Variants in DLGAP1 observed in about 807,000 individuals in gnomAD.
DLGAP1 encodes DLG associated protein 1.
A neutral mutation model predicts 90.8 loss-of-function variants in DLGAP1; 11 were observed. The observed-to-expected ratio is 0.12, with a 90% confidence interval of 0.08 to 0.20. The LOEUF is 0.20. Among genes scored for constraint, DLGAP1 ranks in the 10% least tolerant of loss-of-function variants. The pLI, the probability that DLGAP1 is intolerant of heterozygous loss-of-function variation, is 1.00. For missense variants in DLGAP1, 1,050 were observed against 1,333.8 expected, an observed-to-expected ratio of 0.79 and a Z score of 3.31; for synonymous variants, 558 against 540.7, an observed-to-expected ratio of 1.03 and a Z score of -0.44.
chr18:4,020,049 T>C (rs577224643), intron 2 of DLGAP1, among the ~76,000 whole-genome samples: 8 of 152,368 alleles, frequency 5.3e-5, no homozygotes, highest in African/African-American at 1.9e-4. Context: ...AGTTTTTATC[T>C]ATACAAAGGA....
intron 5 of DLGAP1, among the ~76,000 whole-genome samples, chr18:3,778,505 A>G (rs771227146): frequency 6.6e-6 from 1 of 152,106 alleles, no homozygotes; most frequent in Non-Finnish European, 1.5e-5. Flanking sequence ...ACTTTTGACC[A>G]AAGGATCTAG....
intron 4 of DLGAP1, among the ~76,000 whole-genome samples, chr18:3,817,419 T>C (rs1178560696): frequency 6.6e-6 from 1 of 152,228 alleles, no homozygotes; most frequent in Admixed American, 6.5e-5. Context: ...AGAAGTTATG[T>C]GGAAGTGACT....
At chr18:3,844,000 G>A (rs1045532912) in intron 4 of DLGAP1, among the ~76,000 whole-genome samples, 6 of 152,104 alleles carry the variant, frequency 3.9e-5, no homozygotes, top group Non-Finnish European at 7.4e-5. Flanking sequence ...TATGAAATGT[G>A]AACAATTTCA....
At chr18:4,450,607 C>T (rs2083799078) in intron 1 of DLGAP1, among the ~76,000 whole-genome samples, 1 of 152,186 alleles carries the variant, frequency 6.6e-6, no homozygotes, top group Non-Finnish European at 1.5e-5. Context: ...TTATCCATGG[C>T]TTCAGTAAGA....
At chr18:4,306,633 CTTACTA>C (rs1018983387) in intron 1 of DLGAP1, among the ~76,000 whole-genome samples, 2 of 146,204 alleles carry the variant, frequency 1.4e-5, no homozygotes, top group African/African-American at 2.4e-5. Flanking sequence ...GGTATTATAA[CTTACTA>C]TTACATTTTA....
chr18:3,795,957 C>T (rs769853209), intron 5 of DLGAP1, among the ~76,000 whole-genome samples: 2 of 152,032 alleles, frequency 1.3e-5, no homozygotes, highest in Admixed American at 6.6e-5. Flanking sequence ...TGAGCAGAGC[C>T]GCAGGATTGG....
chr18:4,389,432 CTGAT>C (rs543204948), intron 1 of DLGAP1, among the ~76,000 whole-genome samples: 99 of 152,228 alleles, frequency 6.5e-4, no homozygotes, highest in African/African-American at 2.2e-3. Flanking sequence ...TTTCTGAAGA[CTGAT>C]TGCACAAAAA....
chr18:3,796,628 A>T (rs1025615910), intron 5 of DLGAP1, among the ~76,000 whole-genome samples: 8 of 152,192 alleles, frequency 5.3e-5, no homozygotes, highest in Non-Finnish European at 1.0e-4. Context: ...CGATCCACGA[A>T]TATGCTCTAG....
At chr18:3,802,608 CT>C (rs927031345) in intron 5 of DLGAP1, among the ~76,000 whole-genome samples, 6 of 151,958 alleles carry the variant, frequency 3.9e-5, no homozygotes, top group East Asian at 1.9e-4. Context: ...ATTAGTTTTT[CT>C]TTTTTTTGGA....
chr18:3,968,313 T>C (rs2073371919), intron 3 of DLGAP1, among the ~76,000 whole-genome samples: 1 of 152,204 alleles, frequency 6.6e-6, no homozygotes, highest in African/African-American at 2.4e-5. Flanking sequence ...TTTCACATCA[T>C]TTTTACGCAG....
At chr18:3,510,084 C>T (rs2050456647) in intron 10 of DLGAP1, among the ~76,000 whole-genome samples, 1 of 147,922 alleles carries the variant, frequency 6.8e-6, no homozygotes, top group Admixed American at 6.7e-5. Flanking sequence ...GATGGTTATC[C>T]TTTTCCTCTT....
chr18:3,579,106 G>C (rs2055334168), intron 8 of DLGAP1, among the ~76,000 whole-genome samples: 1 of 152,106 alleles, frequency 6.6e-6, no homozygotes, highest in South Asian at 2.1e-4. Context: ...GGAGGTTATA[G>C]TTTGGTGGGT....
At chr18:4,244,884 T>G (rs1015983144) in intron 1 of DLGAP1, among the ~76,000 whole-genome samples, 1 of 152,226 alleles carries the variant, frequency 6.6e-6, no homozygotes, top group Non-Finnish European at 1.5e-5. Flanking sequence ...GTACTTAGAA[T>G]AGCCTATCAT....
chr18:3,548,531 AG>A (rs2053194024), intron 9 of DLGAP1, among the ~76,000 whole-genome samples: 1 of 151,526 alleles, frequency 6.6e-6, no homozygotes, highest in South Asian at 2.1e-4. Flanking sequence ...TGGGAGACTG[AG>A]GGGGGTGTGG....
Position 4,263,704 on chromosome 18 carries a change from C to T in DLGAP1, c.-266-112417G>A, listed in dbSNP as rs187574520. ...ATAAATGGATAAATGTGCAATTAAT[C>T]AATTCTGGTTCATTTCAGCATATCC... On this transcript the variant is annotated intron_variant, in intron 1 of 12. Coordinates refer to ENST00000315677, the MANE Select transcript of DLGAP1 (RefSeq NM_004746.4). 1.6e-3 allele frequency among the ~76,000 whole-genome samples: 247 copies of T among 152,272 alleles called. 1 individual carries two copies. Among genetic ancestry groups the T allele is most frequent in the Non-Finnish European group, 3.0e-3 (202 of 68,022 alleles).
chr18:4,411,987 AT>A (rs1347981959), intron 1 of DLGAP1, among the ~76,000 whole-genome samples: 1 of 152,228 alleles, frequency 6.6e-6, no homozygotes, highest in Admixed American at 6.5e-5. Context: ...TGGATGCGAC[AT>A]GCTTATATAG....
rs768533463 is a variant in DLGAP1, at chr18:4,203,208, G to T, written c.-266-51921C>A. Among the ~76,000 whole-genome samples the T allele has an allele frequency of 3.0e-4, 45 of 151,582 alleles. 1 individual carries two copies. The highest frequency in any genetic ancestry group is 4.6e-4 in the Non-Finnish European group (31 of 67,950). ...GAGACTTGCTTGAACCCGGGAGGCG[G>T]AGGTTGCAGTGAGATGAGATCGCGC... On this transcript the variant is annotated intron_variant, in intron 1 of 12. Transcript: ENST00000315677.
At chr18:4,381,956 G>A (rs1400439056) in intron 1 of DLGAP1, among the ~76,000 whole-genome samples, 5 of 152,162 alleles carry the variant, frequency 3.3e-5, no homozygotes, top group African/African-American at 1.2e-4. Flanking sequence ...GAGAGGGAGT[G>A]ATAGCCAAGT....
At chr18:3,980,441 A>C (rs1053370544) in intron 3 of DLGAP1, among the ~76,000 whole-genome samples, 1 of 152,156 alleles carries the variant, frequency 6.6e-6, no homozygotes, top group Non-Finnish European at 1.5e-5. Flanking sequence ...ACGGCATTAT[A>C]ATAATTTGTG....
Sources: allele counts gnomAD v4.1 joint callset (sites outside exome capture counted in the v4.1 genomes callset), GRCh38; gene constraint gnomAD v4.1.1; transcripts MANE v1.5; gene names NCBI Gene and HGNC (gene_info 2026-07-23, HGNC 2026-07-21).